CTSB: variants seen among roughly 807,000 people sequenced by gnomAD.
CTSB encodes the protein APP secretase.
Under a neutral mutation model 44.3 loss-of-function variants are expected in CTSB, and 57 were observed. That is an observed-to-expected ratio of 1.29 (90% CI 1.04 to 1.60). The LOEUF (loss-of-function observed/expected upper bound fraction) is 1.60, where lower values mean the gene tolerates loss of function less well. CTSB is among the 40% of genes most tolerant of loss of function. The pLI is 0.00. For synonymous variants in CTSB, 320 were observed against 168.0 expected (o/e 1.91, Z -7.00); for missense variants, 768 against 443.0 (o/e 1.73, Z -6.59).
chr8:11,847,196 G>A, intron 7 of CTSB, 28 bp from the exon 8 acceptor site: 1 of 1,483,774 alleles, frequency 6.7e-7, no homozygotes, highest in Non-Finnish European at 9.4e-7. Flanking sequence ...CTCGGGGTTG[G>A]GGAGGGCAGT....
At chr8:11,866,424 G>C (rs1817160179) in intron 1 of CTSB, among the ~76,000 whole-genome samples, 1 of 152,246 alleles carries the variant, frequency 6.6e-6, no homozygotes, top group Non-Finnish European at 1.5e-5. Flanking sequence ...TTCCACCAGG[G>C]GGTACCCCCA....
At chr8:11,859,513 C>G (rs1240233101) in intron 1 of CTSB, among the ~76,000 whole-genome samples, 2 of 152,236 alleles carry the variant, frequency 1.3e-5, no homozygotes, top group African/African-American at 4.8e-5. Context: ...GTAATCCCAG[C>G]GCTTTGGGAG....
rs371697545 is a variant in CTSB at position 11,865,852 on chromosome 8, C to CAA, written c.-26+2147_-26+2148dup. 3.7e-3 allele frequency among the ~76,000 whole-genome samples: 313 copies of CAA among 84,236 alleles called. 1 individual carries two copies. Among genetic ancestry groups the CAA allele is most frequent in the Admixed American group, 4.1e-3 (32 of 7,748 alleles). The allele number at this position is 84,236 out of a possible 152,430, so 55.3% of individuals were successfully genotyped here. On this transcript the variant is annotated intron_variant, in intron 1 of 9. Coordinates refer to ENST00000353047, the MANE Select transcript of CTSB (RefSeq NM_001908.5). The stretch of plus-strand genomic sequence containing the variant: ...TGAAAGCCCGTCTCTACTAAAAATA[C>CAA]AAAAAAAAAAAAAAAAGCCAGGTGT...
intron 1 of CTSB, among the ~76,000 whole-genome samples, chr8:11,863,020 C>T (rs1816650288): frequency 6.6e-6 from 1 of 152,214 alleles, no homozygotes; most frequent in African/African-American, 2.4e-5. Flanking sequence ...ATTTAGAAAA[C>T]ATCAGTTCTG....
rs188962635 is a variant in CTSB, at chr8:11,866,839, G to A, written c.-26+1162C>T. ...CGCGCCACTGTGCTCCAGCCTGAGA[G>A]ACAGAGCCAGCCAACGCCCTCTTAG... On this transcript the variant is annotated intron_variant, in intron 1 of 9. Transcript: ENST00000353047. Among the ~76,000 whole-genome samples, 155 of 152,338 alleles carry A rather than the reference G, an allele frequency of 1.0e-3. 1 individual carries two copies. The highest frequency in any genetic ancestry group is 1.8e-3 in the Non-Finnish European group (124 of 68,034).
Position 11,843,816 on chromosome 8 carries a change from A to T in CTSB, c.*1309T>A, listed in dbSNP as rs1433204183. 2 of 152,268 alleles carry T rather than the reference A, an allele frequency of 1.3e-5. No individual in the cohort carries two copies. Among genetic ancestry groups the T allele is most frequent in the African/African-American group, 4.8e-5 (2 of 41,472 alleles). The allele number at this position is 152,268 out of a possible 1,614,324, so 9.4% of individuals were successfully genotyped here. A position where few individuals can be genotyped will look rare whatever the true frequency, so the allele number is the denominator to read the frequency against. On this transcript the variant is annotated 3_prime_UTR_variant, in exon 10 of 10. Coordinates refer to ENST00000353047, the MANE Select transcript of CTSB (RefSeq NM_001908.5). ...GAGGCTGAGGCAGGCAGACCACCTG[A>T]GGCCGGGAGTTTGAAACTAGCCTGG...
At chr8:11,864,950 G>A (rs961429010) in intron 1 of CTSB, among the ~76,000 whole-genome samples, 3 of 151,994 alleles carry the variant, frequency 2.0e-5, no homozygotes, top group African/African-American at 7.2e-5. Context: ...AACACAGAGT[G>A]GAATTTGATC....
rs1319290511 is a variant in CTSB, at chr8:11,844,190, TAAGATG to T, written c.*929_*934del. The T allele has an allele frequency of 6.6e-6, 1 of 152,118 alleles. No homozygotes were observed. The highest frequency in any genetic ancestry group is 1.5e-5 in the Non-Finnish European group (1 of 68,036). 9.4% of individuals were successfully genotyped at this position (152,118 alleles called of 1,614,324 possible). On this transcript the variant is annotated 3_prime_UTR_variant, in exon 10 of 10. Transcript: ENST00000353047. ...AAACATGGCTGGGGCAGCGAGAAGT[TAAGATG>T]AAGTCCCAAGAGTCGCAAGAACATG...
Position 11,852,735 on chromosome 8 carries a change from A to T in CTSB, c.127-40T>A. The T allele has an allele frequency of 3.2e-6, 5 of 1,575,264 alleles. No individual in the cohort carries two copies. In the East Asian group the frequency reaches 1.1e-4, roughly 35 times the overall value. On this transcript the variant is annotated intron_variant, in intron 2 of 9. Transcript: ENST00000353047. ...CCCACTGACTGAAGGGTCTCCCGGG[A>T]TGGCGGTGGATGGGCACGCTGCCCA...
intron 1 of CTSB, among the ~76,000 whole-genome samples, chr8:11,860,978 A>G (rs1330431008): frequency 6.6e-6 from 1 of 152,182 alleles, no homozygotes; most frequent in African/African-American, 2.4e-5. Flanking sequence ...GAGTGTGCTG[A>G]CCTCAACTAT....
intron 8 of CTSB, among the ~76,000 whole-genome samples, 180 bp downstream of exon 8, chr8:11,846,872 A>G (rs746030936): frequency 7.9e-5 from 12 of 152,084 alleles, no homozygotes; most frequent in Non-Finnish European, 1.5e-4. Context: ...GGACAAAGAC[A>G]GTCAGGTGCC....
chr8:11,863,056 T>C lies in CTSB; in HGVS notation c.-26+4945A>G, dbSNP rs1322421867. Among the ~76,000 whole-genome samples the C allele has an allele frequency of 2.0e-5, 3 of 152,200 alleles. No individual in the cohort carries two copies. In the East Asian group the frequency reaches 5.8e-4, roughly 29 times the overall value. ...GGCTGAGCACAGTGGCTCACATCTATAATTCTGACACTTCGGGAGGCCAAG... is the reference window on the plus strand; with the variant it reads ...GGCTGAGCACAGTGGCTCACATCTACAATTCTGACACTTCGGGAGGCCAAG... On this transcript the variant is annotated intron_variant, in intron 1 of 9. Coordinates refer to ENST00000353047, the MANE Select transcript of CTSB (RefSeq NM_001908.5).
chr8:11,862,840 C>T (rs1023298978), intron 1 of CTSB, among the ~76,000 whole-genome samples: 10 of 152,258 alleles, frequency 6.6e-5, no homozygotes, highest in African/African-American at 2.4e-4. Flanking sequence ...TTCTACAGGG[C>T]TCTCTACTGG....
At chr8:11,847,368 AC>A (rs1175209181) in intron 7 of CTSB, among the ~76,000 whole-genome samples, 200 bp from the exon 8 acceptor site, 1 of 152,122 alleles carries the variant, frequency 6.6e-6, no homozygotes, top group African/African-American at 2.4e-5. Context: ...AAATGGGAGA[AC>A]GGAGCAATGA....
intron 4 of CTSB, among the ~76,000 whole-genome samples, chr8:11,850,438 A>AAAAG (rs1280482048): frequency 5.8e-5 from 4 of 69,012 alleles, no homozygotes; most frequent in Non-Finnish European, 9.2e-5. Context: ...AAAAAAAAAA[A>AAAAG]AAAGAAAGAA....
rs770814906 is a variant in CTSB, at chr8:11,847,149, G to C, written c.696C>G (p.Val232=). The change falls in exon 8 of 10, where the codon GTC becomes GTG. Residue 232 remains valine (V), a synonymous_variant. Transcript: ENST00000353047. Reference sequence around the variant, plus strand: ...CCATGATGTCCTTCTCGCTATTGGAGACGCTGTAGGAATTGTATCCTGGAA... The same window carrying C: ...CCATGATGTCCTTCTCGCTATTGGACACGCTGTAGGAATTGTATCCTGGAA... The part of the protein sequence containing the change: ...DKHYGYNSYS[V]SNSEKDIMAE... The C allele has an allele frequency of 7.4e-6, 12 of 1,612,074 alleles. No individual in the cohort carries two copies. The highest frequency in any genetic ancestry group is 1.0e-5 in the Non-Finnish European group (12 of 1,178,378).
intron 1 of CTSB, among the ~76,000 whole-genome samples, chr8:11,863,725 A>C (rs1816735648): frequency 6.6e-6 from 1 of 152,176 alleles, no homozygotes; most frequent in Admixed American, 6.5e-5. Flanking sequence ...TGAAATTAAA[A>C]CAGGGGTACC....
chr8:11,863,515 G>A (rs1441519903), intron 1 of CTSB, among the ~76,000 whole-genome samples: 1 of 151,976 alleles, frequency 6.6e-6, no homozygotes, highest in Non-Finnish European at 1.5e-5. Flanking sequence ...ATAAAAACAG[G>A]AAAAGTGTCA....
At chr8:11,860,357 A>T (rs552103207) in intron 1 of CTSB, among the ~76,000 whole-genome samples, 9 of 152,080 alleles carry the variant, frequency 5.9e-5, no homozygotes, top group African/African-American at 1.9e-4. Context: ...GCACAGTGGC[A>T]CACACCTGTA....
Sources: gnomAD v4.1 joint callset for allele counts (sites outside exome capture counted in the v4.1 genomes callset) on GRCh38, gnomAD v4.1.1 for gene constraint, MANE v1.5 for transcripts, NCBI Gene and HGNC (gene_info 2026-07-23, HGNC 2026-07-21) for gene names.